Variants in CMTM7 observed in about 807,000 individuals in gnomAD.
The protein encoded by CMTM7 is CKLF like MARVEL transmembrane domain containing 7.
CMTM7 carries 7 observed loss-of-function variants against 19.3 expected under a neutral mutation model. The ratio of observed to expected loss-of-function variants is 0.36; its 90% confidence interval spans 0.21 to 0.68. CMTM7 has a LOEUF of 0.68. Ranked by LOEUF, CMTM7 falls within the 30% of genes least tolerant of loss-of-function variation. The probability of loss-of-function intolerance (pLI) is 0.60; values close to 1 mark genes in which losing one functional copy is unlikely to be tolerated. For missense variants in CMTM7, 193 were observed against 232.6 expected (o/e 0.83, Z 1.11); for synonymous variants, 87 against 99.3 (o/e 0.88, Z 0.74).
At position 32,449,525 on chromosome 3, in the gene CMTM7, C is replaced by G. The variant is rs778868737; in HGVS notation, c.405C>G (p.Tyr135Ter). 1 of 1,614,036 alleles carries G rather than the reference C, an allele frequency of 6.2e-7. No individual in the cohort carries two copies. The highest frequency in any genetic ancestry group is 8.5e-7 in the Non-Finnish European group (1 of 1,179,906). Residue 135 changes from tyrosine (Y) to a stop codon, truncating the protein, a stop_gained, in exon 3 of 5, where the codon TAC (tyrosine) becomes TAG (stop). Transcript: ENST00000334983. LOFTEE classifies it high-confidence loss of function. This position sits in a 1 kb window ranked among gnomAD's most constrained non-coding sequence, Gnocchi z 4.5. ...IASIVAASKS[Y>*]NQSGLVAGAI... is the part of the protein sequence containing the mutation. ...CCATTGTGGCAGCTTCCAAGAGTTA[C>G]AACCAGAGCGGACTGGTAGCCGGAG...
intron 1 of CMTM7, among the ~76,000 whole-genome samples, chr3:32,425,207 C>T (rs1053774799): frequency 7.9e-5 from 12 of 152,110 alleles, no homozygotes; most frequent in Non-Finnish European, 1.6e-4. Flanking sequence ...CACATAAGTG[C>T]GTAATGAGTA....
chr3:32,444,791 C>T (rs1696730505), intron 2 of CMTM7, among the ~76,000 whole-genome samples: 2 of 152,066 alleles, frequency 1.3e-5, no homozygotes, highest in South Asian at 2.1e-4. Flanking sequence ...TGCTCTGTTA[C>T]CCAGGCTGGA....
intron 1 of CMTM7, among the ~76,000 whole-genome samples, chr3:32,418,619 A>C (rs1020234448): frequency 3.3e-5 from 5 of 152,232 alleles, no homozygotes; most frequent in African/African-American, 1.2e-4. Flanking sequence ...TTATATATGG[A>C]TATCAAGTTT....
rs776986280 is a variant in CMTM7 at position 32,449,956 on chromosome 3, G to A, written c.432+404G>A. Among the ~76,000 whole-genome samples the A allele has an allele frequency of 1.1e-4, 16 of 152,192 alleles. No individual in the cohort carries two copies. The highest frequency in any genetic ancestry group is 2.1e-4 in the South Asian group (1 of 4,834). ...GATCAATTAGAGATACATGCCATGA[G>A]CCTGAGCTTTGCCATTCCTGATTTT... On this transcript the variant is annotated intron_variant, in intron 3 of 4. Coordinates refer to ENST00000334983, the MANE Select transcript of CMTM7 (RefSeq NM_138410.4). The surrounding 1 kb of genome is among the most constrained non-coding windows in gnomAD (Gnocchi z 4.5).
At chr3:32,402,632 G>A (rs996934573) in intron 1 of CMTM7, among the ~76,000 whole-genome samples, 1 of 151,486 alleles carries the variant, frequency 6.6e-6, no homozygotes, top group Non-Finnish European at 1.5e-5. Flanking sequence ...GCATGATCTC[G>A]GCTCACTGTA....
At chr3:32,402,211 A>C (rs1265956781) in intron 1 of CMTM7, among the ~76,000 whole-genome samples, 1 of 151,990 alleles carries the variant, frequency 6.6e-6, no homozygotes, top group Non-Finnish European at 1.5e-5. Flanking sequence ...TCCCGGGTTA[A>C]AATGATTCTC....
At chr3:32,453,203 G>A (rs1381306481) in intron 4 of CMTM7, among the ~76,000 whole-genome samples, 1 of 152,034 alleles carries the variant, frequency 6.6e-6, no homozygotes, top group Non-Finnish European at 1.5e-5. Flanking sequence ...CTACTCAGGT[G>A]GCTGAGGCAA....
chr3:32,404,450 C>T (rs150854736), intron 1 of CMTM7, among the ~76,000 whole-genome samples: 56 of 152,248 alleles, frequency 3.7e-4, no homozygotes, highest in African/African-American at 1.2e-3. Flanking sequence ...TGTGAGCCAC[C>T]GCGCCCAGCC....
chr3:32,441,180 G>A (rs1243020980), intron 1 of CMTM7, among the ~76,000 whole-genome samples: 1 of 152,192 alleles, frequency 6.6e-6, no homozygotes, highest in Admixed American at 6.5e-5. Context: ...ATGGTCCTTA[G>A]AGTCAGACAG....
chr3:32,433,116 C>T (rs1696545040), intron 1 of CMTM7, among the ~76,000 whole-genome samples: 1 of 152,210 alleles, frequency 6.6e-6, no homozygotes, highest in Non-Finnish European at 1.5e-5. Flanking sequence ...AAAACCATTG[C>T]TTGTTGCAAA....
chr3:32,449,958 C>CAA lies in CMTM7; in HGVS notation c.432+406_432+407insAA. 6.6e-6 allele frequency among the ~76,000 whole-genome samples: 1 copy of CAA among 152,182 alleles called. No homozygotes were observed. The highest frequency in any genetic ancestry group is 1.5e-5 in the Non-Finnish European group (1 of 68,046). ...TCAATTAGAGATACATGCCATGAGC[C>CAA]TGAGCTTTGCCATTCCTGATTTTTA... On this transcript the variant is annotated intron_variant, in intron 3 of 4. Transcript: ENST00000334983. The surrounding 1 kb of genome is among the most constrained non-coding windows in gnomAD (Gnocchi z 4.5).
At chr3:32,424,456 A>T (rs149486806) in intron 1 of CMTM7, among the ~76,000 whole-genome samples, 1 of 152,168 alleles carries the variant, frequency 6.6e-6, no homozygotes, top group African/African-American at 2.4e-5. Context: ...CTGCAAGAGC[A>T]TATGAGACTA....
At chr3:32,440,479 A>G (rs1289738251) in intron 1 of CMTM7, among the ~76,000 whole-genome samples, 2 of 152,128 alleles carry the variant, frequency 1.3e-5, no homozygotes, top group Admixed American at 6.5e-5. Context: ...TTGGTTGTGC[A>G]TTTTAAATAG....
At chr3:32,407,491 G>A (rs1331976276) in intron 1 of CMTM7, among the ~76,000 whole-genome samples, 2 of 152,274 alleles carry the variant, frequency 1.3e-5, no homozygotes, top group East Asian at 3.9e-4. Context: ...CACATCTTTT[G>A]TAACTCCTTG....
intron 3 of CMTM7, chr3:32,452,096 C>T (rs1368384275): frequency 4.9e-6 from 7 of 1,421,020 alleles, no homozygotes; most frequent in Middle Eastern, 1.8e-4. Flanking sequence ...TTAGCCCCAG[C>T]TTGCTTGTAA....
intron 4 of CMTM7, among the ~76,000 whole-genome samples, chr3:32,453,959 G>A (rs1696871661): frequency 6.6e-6 from 1 of 152,192 alleles, no homozygotes; most frequent in Non-Finnish European, 1.5e-5. Context: ...TTGAATTATG[G>A]AAGAATCACC....
At chr3:32,438,318 T>C (rs933310382) in intron 1 of CMTM7, among the ~76,000 whole-genome samples, 5 of 152,320 alleles carry the variant, frequency 3.3e-5, no homozygotes, top group East Asian at 1.9e-4. Flanking sequence ...GGGGTACTTG[T>C]GTAGGTTTCT....
At chr3:32,395,393 A>C (rs186166076) in intron 1 of CMTM7, among the ~76,000 whole-genome samples, 2 of 152,252 alleles carry the variant, frequency 1.3e-5, no homozygotes, top group East Asian at 3.9e-4. Context: ...AATCTCATTA[A>C]ATGTTTCTAA....
chr3:32,414,320 A>G lies in CMTM7; in HGVS notation c.159+22255A>G, dbSNP rs189073593. On this transcript the variant is annotated intron_variant, in intron 1 of 4. Transcript: ENST00000334983. ...AAATTTGCACCTTCTTTACCGCTGT[A>G]TTTCAGCACTGCGTTCACAGCTTCT... Among the ~76,000 whole-genome samples, 3 of 152,264 alleles carry G rather than the reference A, an allele frequency of 2.0e-5. No homozygotes were observed. In the East Asian group the frequency reaches 5.8e-4, roughly 29 times the overall value.
Sources: gnomAD v4.1 joint callset for allele counts (sites outside exome capture counted in the v4.1 genomes callset) on GRCh38, gnomAD v4.1.1 for gene constraint, Gnocchi (gnomAD v3.1) non-coding constraint, MANE v1.5 for transcripts, NCBI Gene and HGNC (gene_info 2026-07-23, HGNC 2026-07-21) for gene names.